Variants in CHD9 observed in about 807,000 individuals in gnomAD.
CHD9 encodes ATP-dependent chromatin remodeler CHD9.
Under a neutral mutation model 316.1 loss-of-function variants are expected in CHD9, and 77 were observed. The observed-to-expected ratio is 0.24, with a 90% confidence interval of 0.20 to 0.29. The LOEUF is 0.29. Ranked by LOEUF, CHD9 falls within the 10% of genes least tolerant of loss-of-function variation. CHD9 has a pLI of 1.00. For synonymous variants in CHD9, 1,129 were observed against 1,158.3 expected, an observed-to-expected ratio of 0.97 and a Z score of 0.51; for missense variants, 2,763 against 3,438.1, an observed-to-expected ratio of 0.80 and a Z score of 4.91.
At chr16:53,057,949 G>C (rs1440084266) in intron 1 of CHD9, among the ~76,000 whole-genome samples, 1 of 152,126 alleles carries the variant, frequency 6.6e-6, no homozygotes, top group African/African-American at 2.4e-5. Context: ...TACAGTTGAC[G>C]TGCTGTCTAG....
intron 27 of CHD9, among the ~76,000 whole-genome samples, chr16:53,291,424 C>G (rs2054321721): frequency 6.6e-6 from 1 of 151,994 alleles, no homozygotes; most frequent in Admixed American, 6.6e-5. Flanking sequence ...AGCAATAAAA[C>G]CTAGGGCATA....
intron 2 of CHD9, among the ~76,000 whole-genome samples, chr16:53,204,850 T>C (rs1278662509): frequency 6.6e-6 from 1 of 152,178 alleles, no homozygotes; most frequent in African/African-American, 2.4e-5. Context: ...TGTTTGTTTG[T>C]TTATTTGTTT....
intron 1 of CHD9, among the ~76,000 whole-genome samples, chr16:53,103,067 G>T (rs1230568519): frequency 2.0e-5 from 3 of 150,404 alleles, no homozygotes; most frequent in African/African-American, 7.4e-5. Context: ...GGATGGTCTC[G>T]ATCTCCTGAC....
chr16:53,266,664 A>G (rs2051728986), intron 20 of CHD9, among the ~76,000 whole-genome samples: 1 of 152,194 alleles, frequency 6.6e-6, no homozygotes, highest in African/African-American at 2.4e-5. Context: ...AGCCTTATTC[A>G]TCATTATACC....
intron 2 of CHD9, among the ~76,000 whole-genome samples, chr16:53,158,558 G>A (rs1449012130): frequency 6.6e-6 from 1 of 152,038 alleles, no homozygotes; most frequent in African/African-American, 2.4e-5. Flanking sequence ...AAATAATAAA[G>A]GATTAATAGA....
intron 20 of CHD9, among the ~76,000 whole-genome samples, chr16:53,265,238 CA>C (rs1280938544): frequency 6.6e-6 from 1 of 151,688 alleles, no homozygotes; most frequent in African/African-American, 2.4e-5. Context: ...CTGTTCTCTA[CA>C]AAAAAATTTA....
chr16:53,310,390 C>T (rs996347890), intron 34 of CHD9, among the ~76,000 whole-genome samples: 6 of 152,060 alleles, frequency 3.9e-5, no homozygotes, highest in African/African-American at 9.7e-5. Flanking sequence ...TTTGCCCAAC[C>T]TCAGTGGGGC....
intron 1 of CHD9, among the ~76,000 whole-genome samples, chr16:53,077,680 A>G (rs1198253847): frequency 6.6e-6 from 1 of 152,212 alleles, no homozygotes; most frequent in East Asian, 1.9e-4. Context: ...CGTTTACAAT[A>G]TGTAATGATT....
At chr16:53,091,826 C>CCCTTCCTTCTCTCCTT (rs1469030422) in intron 1 of CHD9, among the ~76,000 whole-genome samples, 1 of 152,112 alleles carries the variant, frequency 6.6e-6, no homozygotes, top group African/African-American at 2.4e-5. Flanking sequence ...CTCCCTCCCT[C>CCCTTCCTTCTCTCCTT]CCTTCCTTCT....
rs1264428948 is a variant in CHD9 at position 53,085,735 on chromosome 16, TA to T, written c.-165+30662del. Among the ~76,000 whole-genome samples, 7 of 152,214 alleles carry T rather than the reference TA, an allele frequency of 4.6e-5. No homozygotes were observed. In the East Asian group the frequency reaches 5.8e-4, roughly 13 times the overall value. On this transcript the variant is annotated intron_variant, in intron 1 of 38. Transcript: ENST00000447540. ...TTTCAAAGAGGAAGTTTCAGTCAGA[TA>T]AAAGGAGCAGATGGCACTGTACGAG...
intron 1 of CHD9, among the ~76,000 whole-genome samples, chr16:53,095,756 G>A (rs77222264): frequency 6.6e-6 from 1 of 152,072 alleles, no homozygotes; most frequent in Non-Finnish European, 1.5e-5. Context: ...TGGACATTTG[G>A]GTTGTTACCA....
At chr16:53,173,276 T>C (rs2042892886) in intron 2 of CHD9, among the ~76,000 whole-genome samples, 1 of 152,120 alleles carries the variant, frequency 6.6e-6, no homozygotes, top group Non-Finnish European at 1.5e-5. Context: ...GTTCATGCTT[T>C]TCAAGGTATT....
chr16:53,109,677 C>CTGTTTTTTTTTT (rs2037678553), intron 1 of CHD9, among the ~76,000 whole-genome samples: 1 of 71,594 alleles, frequency 1.4e-5, no homozygotes, highest in Non-Finnish European at 2.5e-5. Flanking sequence ...TTCCCAGTTT[C>CTGTTTTTTTTTT]TTTTTTTTTT....
intron 30 of CHD9, among the ~76,000 whole-genome samples, chr16:53,302,680 T>C (rs1412135319): frequency 6.6e-6 from 1 of 152,226 alleles, no homozygotes; most frequent in African/African-American, 2.4e-5. Flanking sequence ...TTTCATTCTC[T>C]CTCATCTATT....
chr16:53,235,951 A>C (rs2048581943), intron 11 of CHD9, among the ~76,000 whole-genome samples: 1 of 152,244 alleles, frequency 6.6e-6, no homozygotes, highest in Middle Eastern at 3.4e-3. Flanking sequence ...AGAATAGCAA[A>C]ATTTGATGAT....
At chr16:53,198,795 C>G (rs2045182864) in intron 2 of CHD9, among the ~76,000 whole-genome samples, 1 of 152,158 alleles carries the variant, frequency 6.6e-6, no homozygotes, top group African/African-American at 2.4e-5. Flanking sequence ...AATCTTGTCA[C>G]ATAGATGTGT....
At chr16:53,132,605 A>G (rs1001628887) in intron 1 of CHD9, among the ~76,000 whole-genome samples, 2 of 152,180 alleles carry the variant, frequency 1.3e-5, no homozygotes, top group Non-Finnish European at 2.9e-5. Flanking sequence ...ATGCAAAAGG[A>G]TGATCATAGT....
At chr16:53,301,084 AAAAAC>A (rs1321231942) in intron 30 of CHD9, among the ~76,000 whole-genome samples, 2 of 152,236 alleles carry the variant, frequency 1.3e-5, no homozygotes, top group African/African-American at 2.4e-5. Flanking sequence ...AAAAAAGAAA[AAAAAC>A]AAAACAAAAC....
intron 1 of CHD9, among the ~76,000 whole-genome samples, chr16:53,133,509 A>G (rs997454100): frequency 5.3e-5 from 8 of 152,192 alleles, no homozygotes; most frequent in African/African-American, 1.9e-4. Context: ...AGTGCTGGCT[A>G]GAGAGAATCG....
Sources: gnomAD v4.1 joint callset for allele counts (sites outside exome capture counted in the v4.1 genomes callset) on GRCh38, gnomAD v4.1.1 for gene constraint, MANE v1.5 for transcripts, NCBI Gene and HGNC (gene_info 2026-07-23, HGNC 2026-07-21) for gene names.